Variants in LRP4 observed in about 807,000 individuals in gnomAD.
LRP4 encodes the protein LDL receptor related protein 4.
A neutral mutation model predicts 220.3 loss-of-function variants in LRP4; 95 were observed. The ratio of observed to expected loss-of-function variants is 0.43; its 90% CI spans 0.37 to 0.51. The LOEUF (loss-of-function observed/expected upper bound fraction) is 0.51. Among genes scored for constraint, LRP4 ranks in the 20% least tolerant of loss-of-function variants. LRP4 has a pLI of 0.00. For synonymous variants in LRP4, 903 were observed against 954.6 expected (o/e 0.95, Z 1.00); for missense variants, 1,925 against 2,567.0 (o/e 0.75, Z 5.40).
chr11:46,873,590 T>C lies in LRP4; in HGVS notation c.4233A>G (p.Arg1411=). ...YTDVFLDVIR[R]ADLNGSNMET... is the part of the protein sequence containing the mutation. ...CCATGTTGCTGCCGTTCAGGTCTGC[T>C]CGCCTTGGGGAGAGCCCAGTGTTGG... is the stretch of plus-strand genomic sequence containing the variant. Residue 1411 remains arginine (R), a synonymous_variant, in exon 29 of 38, where the codon CGA becomes CGG. Transcript: ENST00000378623. This position sits in a 1 kb window ranked among gnomAD's most constrained non-coding sequence, Gnocchi z 4.2. 2 of 1,612,172 alleles carry C rather than the reference T, an allele frequency of 1.2e-6. No homozygotes were observed. The highest frequency in any genetic ancestry group is 2.2e-5 in the East Asian group (1 of 44,810).
Position 46,878,905 on chromosome 11 carries a change from A to AC in LRP4, c.3136+1dup, listed in dbSNP as rs1941082086. The AC allele has an allele frequency of 6.2e-7, 1 of 1,614,130 alleles. No homozygotes were observed. Among genetic ancestry groups the AC allele is most frequent in the Non-Finnish European group, 8.5e-7 (1 of 1,180,042 alleles). Reference sequence around the variant, plus strand: ...ATCTAGATCTGTGATGCTTTCACTCACCTGGTGAGCAGGTCTTGCCATCAG... The same window carrying AC: ...ATCTAGATCTGTGATGCTTTCACTCACCCTGGTGAGCAGGTCTTGCCATCAG... On this transcript the variant is annotated splice_donor_variant, in intron 22 of 37. Transcript: ENST00000378623. LOFTEE classifies it high-confidence loss of function.
At chr11:46,900,532 C>T (rs987009208) in intron 2 of LRP4, among the ~76,000 whole-genome samples, 154 bp from the exon 3 acceptor site, 14 of 151,802 alleles carry the variant, frequency 9.2e-5, no homozygotes, top group Admixed American at 3.3e-4. Context: ...AGTACAGTGG[C>T]GCAATCTTGG....
intron 1 of LRP4, among the ~76,000 whole-genome samples, chr11:46,904,737 G>A (rs749998788): frequency 6.6e-6 from 1 of 152,126 alleles, no homozygotes; most frequent in East Asian, 1.9e-4. Flanking sequence ...GAGAGACTGA[G>A]GCAGGTGGAT....
intron 1 of LRP4, 37 bp from the exon 2 acceptor site, chr11:46,902,966 T>C: frequency 1.2e-6 from 2 of 1,613,080 alleles, no homozygotes. Context: ...AGGGCTCAGC[T>C]CCCACTCAAC....
chr11:46,877,072 A>G, intron 23 of LRP4, 127 bp downstream of exon 23: 2 of 1,129,130 alleles, frequency 1.8e-6, no homozygotes, highest in Admixed American at 3.4e-5. Flanking sequence ...GACAGGGGCT[A>G]TGCCAGAGGG....
chr11:46,868,973 T>A lies in LRP4; in HGVS notation c.4837+15A>T. 6.2e-7 allele frequency: 1 copy of A among 1,614,148 alleles called. No individual in the cohort carries two copies. Among genetic ancestry groups the A allele is most frequent in the Non-Finnish European group, 8.5e-7 (1 of 1,180,016 alleles). ...ACAGATGTTAAGGAAGCAGGCTCAG[T>A]ACCCGGGAGCCCACCTGTCTGCCGC... On this transcript the variant is annotated intron_variant, in intron 32 of 37. Coordinates refer to ENST00000378623, the MANE Select transcript of LRP4 (RefSeq NM_002334.4).
chr11:46,894,440 T>C (rs1941482207), intron 12 of LRP4, 149 bp downstream of exon 12: 3 of 670,386 alleles, frequency 4.5e-6, no homozygotes, highest in African/African-American at 1.8e-5. Flanking sequence ...CATTAACAAA[T>C]GTTTTCTATA....
At position 46,918,451 on chromosome 11, in the gene LRP4, G is replaced by A. The variant is rs1941987197; in HGVS notation, c.-72C>T. ...ACGGCGCGGCGGAGAAGCCCGCGGAGGGTCCCCGAGGGGGAAGCGTCCCGG... is the reference window on the plus strand; with the variant it reads ...ACGGCGCGGCGGAGAAGCCCGCGGAAGGTCCCCGAGGGGGAAGCGTCCCGG... On this transcript the variant is annotated 5_prime_UTR_variant, in exon 1 of 38. Transcript: ENST00000378623. The surrounding 1 kb of genome is among the most constrained non-coding windows in gnomAD (Gnocchi z 6.0). 8.7e-7 allele frequency: 1 copy of A among 1,149,020 alleles called. No homozygotes were observed. The highest frequency in any genetic ancestry group is 1.1e-6 in the Non-Finnish European group (1 of 910,674). The allele number at this position is 1,149,020 out of a possible 1,614,324, so 71.2% of individuals were successfully genotyped here.
Position 46,875,078 on chromosome 11 carries a change from A to G in LRP4, c.3951T>C (p.Asn1317=), listed in dbSNP as rs1464900697. 1.2e-6 allele frequency: 2 copies of G among 1,613,508 alleles called. No homozygotes were observed. Among genetic ancestry groups the G allele is most frequent in the South Asian group, 2.2e-5 (2 of 91,054 alleles). ...PLGFNKCGSR[N]GGCSHLCLPR... The stretch of plus-strand genomic sequence containing the variant: ...GCAAGCAGAGGTGGGAGCAGCCGCC[A>G]TTTCTCGAGCCGCACTTGTTAAAAC... Residue 1317 remains asparagine, a synonymous_variant, in exon 28 of 38, where the codon AAT becomes AAC. Coordinates refer to ENST00000378623, the MANE Select transcript of LRP4 (RefSeq NM_002334.4). The surrounding 1 kb of genome is among the most constrained non-coding windows in gnomAD (Gnocchi z 4.5).
Position 46,899,654 on chromosome 11 carries a change from C to T in LRP4, c.431-151G>A, listed in dbSNP as rs1027612844. The T allele has an allele frequency of 4.7e-5, 36 of 761,872 alleles. No homozygotes were observed. The highest frequency in any genetic ancestry group is 1.7e-4 in the East Asian group (7 of 40,050). 47.2% of individuals were successfully genotyped at this position (761,872 alleles called of 1,614,324 possible). A position where few individuals can be genotyped will look rare whatever the true frequency, so the allele number is the denominator to read the frequency against. ...GTCAGTGCAGACTCTCCAGGGAGAA[C>T]GGAGGCCCTGGAGAGACTGGGCCTC... On this transcript the variant is annotated intron_variant, in intron 4 of 37. Transcript: ENST00000378623. This position sits in a 1 kb window ranked among gnomAD's most constrained non-coding sequence, Gnocchi z 5.9.
chr11:46,899,403 G>A lies in LRP4; in HGVS notation c.531C>T (p.Ser177=), dbSNP rs751226124. The A allele has an allele frequency of 5.6e-6, 9 of 1,613,670 alleles. No individual in the cohort carries two copies. The highest frequency in any genetic ancestry group is 3.3e-5 in the Admixed American group (2 of 59,998). The change falls in exon 5 of 38, where the codon TCC becomes TCT. Residue 177 remains serine, a synonymous_variant. Transcript: ENST00000378623. This position sits in a 1 kb window ranked among gnomAD's most constrained non-coding sequence, Gnocchi z 5.9. ...GCCACTCACGACAGTTCTCCTCATC[G>A]GAGCCATCTTTGCAGTCGGTGTCAC... is the stretch of plus-strand genomic sequence containing the variant. ...CDGDTDCKDG[S]DEENCPSAVP...
chr11:46,869,136 CT>C lies in LRP4; in HGVS notation c.4693-5del. 1 of 1,613,964 alleles carries C rather than the reference CT, an allele frequency of 6.2e-7. No individual in the cohort carries two copies. Among genetic ancestry groups the C allele is most frequent in the Non-Finnish European group, 8.5e-7 (1 of 1,179,920 alleles). ...TCCAGTAGATCCACCTGTCTTGCTA[CT>C]CAACAGGGGAAGCCCAAAAACAGTA... On this transcript the variant is annotated splice_polypyrimidine_tract_variant and splice_region_variant and intron_variant, in intron 31 of 37. Transcript: ENST00000378623.
intron 1 of LRP4, among the ~76,000 whole-genome samples, chr11:46,903,881 C>A (rs1004287220): frequency 3.9e-5 from 6 of 152,204 alleles, no homozygotes; most frequent in African/African-American, 1.4e-4. Context: ...TGCAGCCTCT[C>A]CCCCGGCTTC....
intron 1 of LRP4, among the ~76,000 whole-genome samples, chr11:46,910,938 A>C (rs1289557885): frequency 6.6e-6 from 1 of 152,116 alleles, no homozygotes; most frequent in Non-Finnish European, 1.5e-5. Flanking sequence ...GGCCTCCCAA[A>C]GCACTGGGAT....
At chr11:46,917,689 A>G (rs954246095) in intron 1 of LRP4, among the ~76,000 whole-genome samples, 1 of 152,034 alleles carries the variant, frequency 6.6e-6, no homozygotes, top group Non-Finnish European at 1.5e-5. Context: ...CTTTAGGACG[A>G]TCCAGGGCTG....
Position 46,865,167 on chromosome 11 carries a change from T to A in LRP4, c.5107A>T (p.Arg1703Trp). 6.4e-7 allele frequency: 1 copy of A among 1,558,014 alleles called. No individual in the cohort carries two copies. ...VEGRCSERDA[R>W]LGLCARSNDA... ...TTGGAACGTGCACAGAGGCCCAGCC[T>A]GGCATCCCTTTCAGAGCATCTGTGG... The change falls in exon 35 of 38, where the codon AGG becomes TGG. Residue 1703 changes from arginine to tryptophan, a missense_variant. Physicochemically the swap from Arg to Trp is moderately radical, Grantham distance 101 (BLOSUM62 -3). This residue lies in a region of LRP4 where 1,244 missense variants were observed against 1,624.9 expected (regional missense o/e 0.77). Coordinates refer to ENST00000378623, the MANE Select transcript of LRP4 (RefSeq NM_002334.4).
chr11:46,891,466 G>T (rs7928267), intron 13 of LRP4, among the ~76,000 whole-genome samples: 4 of 96,384 alleles, frequency 4.2e-5, no homozygotes, highest in Non-Finnish European at 8.9e-5. Context: ...CACACACACA[G>T]ACACACACAC....
At chr11:46,871,884 C>A (rs1940875179) in intron 30 of LRP4, among the ~76,000 whole-genome samples, 1 of 152,148 alleles carries the variant, frequency 6.6e-6, no homozygotes, top group Non-Finnish European at 1.5e-5. Flanking sequence ...CACCACCCAG[C>A]CTCATCTTCA....
At chr11:46,878,340 C>T (rs1289322418) in intron 22 of LRP4, among the ~76,000 whole-genome samples, 1 of 131,866 alleles carries the variant, frequency 7.6e-6, no homozygotes, top group Non-Finnish European at 1.5e-5. Context: ...AGTGCAGTGG[C>T]GTGATCTCTG....
Sources: gnomAD v4.1 joint callset for allele counts (sites outside exome capture counted in the v4.1 genomes callset) on GRCh38, gnomAD v4.1.1 for gene constraint, gnomAD v4.1.1 regional missense constraint, Gnocchi (gnomAD v3.1) non-coding constraint, MANE v1.5 for transcripts, NCBI Gene and HGNC (gene_info 2026-07-23, HGNC 2026-07-21) for gene names.